The following LUZP2 variants were observed in gnomAD, a reference collection of about 807,000 sequenced individuals.
LUZP2 encodes leucine zipper protein 2.
A neutral mutation model predicts 51.6 loss-of-function variants in LUZP2; 52 were observed. The observed-to-expected ratio is 1.01, with a 90% CI of 0.81 to 1.27. The LOEUF (loss-of-function observed/expected upper bound fraction) is 1.27. Among genes scored for constraint, LUZP2 ranks in the 50% most tolerant of loss-of-function variants. The pLI is 0.00. For missense variants in LUZP2, 436 were observed against 395.4 expected (o/e 1.10, Z -0.87); for synonymous variants, 154 against 137.3 (o/e 1.12, Z -0.85).
At chr11:24,606,272 T>C (rs1411098324) in intron 1 of LUZP2, among the ~76,000 whole-genome samples, 1 of 151,992 alleles carries the variant, frequency 6.6e-6, no homozygotes, top group Non-Finnish European at 1.5e-5. Flanking sequence ...GTAGAAACTA[T>C]ACTTCAATAT....
At chr11:24,939,430 C>T (rs1258712469) in intron 7 of LUZP2, among the ~76,000 whole-genome samples, 1 of 151,828 alleles carries the variant, frequency 6.6e-6, no homozygotes, top group African/African-American at 2.4e-5. Context: ...ACTGAGGGGA[C>T]AATCAAAGTT....
chr11:24,645,407 A>T (rs921644068), intron 1 of LUZP2, among the ~76,000 whole-genome samples: 2 of 152,148 alleles, frequency 1.3e-5, no homozygotes, highest in Non-Finnish European at 2.9e-5. Context: ...ATGGTATTGA[A>T]CATGCAGTCT....
At chr11:24,864,818 A>ATGCCACAATCTAAAACTGGAGC (rs879335560) in intron 5 of LUZP2, among the ~76,000 whole-genome samples, 1 of 152,186 alleles carries the variant, frequency 6.6e-6, no homozygotes, top group Non-Finnish European at 1.5e-5. Context: ...TGAAGAGGTG[A>ATGCCACAATCTAAAACTGGAGC]TGCCACAATC....
At chr11:24,967,345 A>G (rs1448804715) in intron 7 of LUZP2, among the ~76,000 whole-genome samples, 2 of 146,054 alleles carry the variant, frequency 1.4e-5, no homozygotes, top group Non-Finnish European at 3.0e-5. Context: ...TAATTCATAG[A>G]CATTGTATAT....
intron 7 of LUZP2, among the ~76,000 whole-genome samples, chr11:24,973,366 T>TG (rs1554948334): frequency 0.019 from 2,123 of 114,714 alleles, 67 homozygotes; most frequent in African/African-American, 0.074. Flanking sequence ...ATTTATTAGT[T>TG]TTTTTTTTTT....
At chr11:24,921,214 G>A (rs533273799) in intron 7 of LUZP2, among the ~76,000 whole-genome samples, 4 of 152,078 alleles carry the variant, frequency 2.6e-5, no homozygotes, top group Non-Finnish European at 4.4e-5. Context: ...ACAGAGGGAG[G>A]GGGGCTCGGA....
At chr11:24,620,464 A>C (rs567059035) in intron 1 of LUZP2, among the ~76,000 whole-genome samples, 1 of 152,286 alleles carries the variant, frequency 6.6e-6, no homozygotes, top group Non-Finnish European at 1.5e-5. Context: ...GCTCAGTGGT[A>C]ATATTTGCAC....
intron 4 of LUZP2, among the ~76,000 whole-genome samples, chr11:24,745,394 T>G (rs1016757947): frequency 6.6e-6 from 1 of 152,186 alleles, no homozygotes; most frequent in Admixed American, 6.6e-5. Flanking sequence ...ACTCCAGTGT[T>G]AGGTGTATAT....
chr11:24,659,550 C>A (rs567948644), intron 1 of LUZP2, among the ~76,000 whole-genome samples: 1 of 151,674 alleles, frequency 6.6e-6, no homozygotes, highest in Non-Finnish European at 1.5e-5. Context: ...TGCACATATA[C>A]CCTAAAACTT....
intron 1 of LUZP2, among the ~76,000 whole-genome samples, chr11:24,608,317 A>G (rs1854003459): frequency 6.6e-6 from 1 of 152,206 alleles, no homozygotes; most frequent in Non-Finnish European, 1.5e-5. Context: ...GCAGACACAG[A>G]AGGTCATCAG....
At chr11:25,015,863 A>G (rs754253080) in intron 9 of LUZP2, among the ~76,000 whole-genome samples, 9 of 150,518 alleles carry the variant, frequency 6.0e-5, no homozygotes, top group Non-Finnish European at 1.0e-4. Flanking sequence ...TTTTGGTTAC[A>G]TGAACGAATT....
chr11:24,752,072 G>A (rs1190607953), intron 4 of LUZP2, among the ~76,000 whole-genome samples: 1 of 151,964 alleles, frequency 6.6e-6, no homozygotes, highest in East Asian at 1.9e-4. Context: ...TACTGAGATA[G>A]AAAATATAAA....
intron 5 of LUZP2, among the ~76,000 whole-genome samples, chr11:24,836,999 C>T (rs1452876109): frequency 6.8e-6 from 1 of 147,464 alleles, no homozygotes. Context: ...CCTTTAAAGT[C>T]TTTCAGTAGG....
At chr11:24,786,003 G>A (rs2134084324) in intron 5 of LUZP2, 1 of 985,266 alleles carries the variant, frequency 1.0e-6, no homozygotes, top group Admixed American at 6.2e-5. Flanking sequence ...GACCCTTCAA[G>A]TGGTACCCAG....
intron 5 of LUZP2, among the ~76,000 whole-genome samples, chr11:24,827,285 A>T (rs1025020732): frequency 9.9e-5 from 15 of 152,212 alleles, no homozygotes; most frequent in African/African-American, 2.7e-4. Context: ...ATCCCTAGGA[A>T]CAAGGCATAT....
intron 5 of LUZP2, among the ~76,000 whole-genome samples, chr11:24,793,494 G>T (rs573766919): frequency 6.6e-6 from 1 of 152,230 alleles, no homozygotes. Flanking sequence ...TTGATGCTCA[G>T]CTGTAAAAGA....
chr11:24,993,949 C>T (rs1406276363), intron 9 of LUZP2, among the ~76,000 whole-genome samples: 1 of 152,126 alleles, frequency 6.6e-6, no homozygotes, highest in African/African-American at 2.4e-5. Flanking sequence ...CAGCCTCCGC[C>T]TCCGGGGTTC....
At chr11:24,700,008 C>CT (rs1339777341) in intron 1 of LUZP2, among the ~76,000 whole-genome samples, 3 of 150,754 alleles carry the variant, frequency 2.0e-5, no homozygotes, top group African/African-American at 7.3e-5. Context: ...GTCACTCCCT[C>CT]TCCCAAGAAA....
chr11:24,636,553 G>A (rs1272386187), intron 1 of LUZP2, among the ~76,000 whole-genome samples: 1 of 152,128 alleles, frequency 6.6e-6, no homozygotes, highest in Non-Finnish European at 1.5e-5. Context: ...TATATGTTAA[G>A]TACTTCAAAC....
Sources: gnomAD v4.1 joint callset for allele counts (sites outside exome capture counted in the v4.1 genomes callset) on GRCh38, gnomAD v4.1.1 for gene constraint, MANE v1.5 for transcripts, NCBI Gene and HGNC (gene_info 2026-07-23, HGNC 2026-07-21) for gene names.